DSCC1: variants seen among roughly 807,000 people sequenced by gnomAD.
DSCC1 encodes the protein sister chromatid cohesion protein DCC1.
A neutral mutation model predicts 48.2 loss-of-function variants in DSCC1; 32 were observed. That is an observed-to-expected ratio of 0.66 (90% CI 0.50 to 0.89). The LOEUF (loss-of-function observed/expected upper bound fraction) is 0.89, where lower values mean the gene tolerates loss of function less well. Among genes scored for constraint, DSCC1 ranks in the 40% least tolerant of loss-of-function variants. The pLI, the probability that DSCC1 is intolerant of heterozygous loss-of-function variation, is 0.00. For synonymous variants in DSCC1, 150 were observed against 171.5 expected, an observed-to-expected ratio of 0.87 and a Z score of 0.98; for missense variants, 421 against 471.7, an observed-to-expected ratio of 0.89 and a Z score of 1.00.
intron 7 of DSCC1, chr8:119,838,735 G>GT (rs1009466017): frequency 8.1e-4 from 138 of 169,490 alleles, no homozygotes; most frequent in Middle Eastern, 2.3e-3. Flanking sequence ...TTTCTATTTT[G>GT]TTTTTTTTTC....
intron 8 of DSCC1, among the ~76,000 whole-genome samples, chr8:119,836,883 G>A (rs890213454): frequency 7.2e-5 from 11 of 152,034 alleles, no homozygotes; most frequent in Admixed American, 2.0e-4. Flanking sequence ...CAAAAGAGAT[G>A]GTTTTCTCCC....
chr8:119,842,629 A>G (rs1826789690), intron 6 of DSCC1, 147 bp downstream of exon 6: 3 of 643,054 alleles, frequency 4.7e-6, no homozygotes, highest in Middle Eastern at 3.0e-4. Flanking sequence ...CAAGCGACCC[A>G]CCCACTGCAG....
At chr8:119,853,022 T>G in intron 2 of DSCC1, 25 bp downstream of exon 2, 3 of 1,512,784 alleles carry the variant, frequency 2.0e-6, no homozygotes, top group Non-Finnish European at 2.7e-6. Flanking sequence ...CAGACTTTTA[T>G]AAATCAGAGT....
Position 119,855,863 on chromosome 8 carries a change from T to A in DSCC1, c.-68A>T, listed in dbSNP as rs1179102943. Reference sequence around the variant, plus strand: ...CGGGCTTGGCGGGCAAGAAAGAAGTTCCCAAGCAGCCGGAAGGTAGGAAAC... The same window carrying A: ...CGGGCTTGGCGGGCAAGAAAGAAGTACCCAAGCAGCCGGAAGGTAGGAAAC... On this transcript the variant is annotated 5_prime_UTR_variant, in exon 1 of 9. Transcript: ENST00000313655. 7.1e-7 allele frequency: 1 copy of A among 1,399,858 alleles called. No homozygotes were observed. The highest frequency in any genetic ancestry group is 9.3e-7 in the Non-Finnish European group (1 of 1,075,904). 86.7% of individuals were successfully genotyped at this position (1,399,858 alleles called of 1,614,324 possible).
chr8:119,853,612 G>A (rs754917872), intron 1 of DSCC1, among the ~76,000 whole-genome samples: 1 of 152,276 alleles, frequency 6.6e-6, no homozygotes, highest in Non-Finnish European at 1.5e-5. Context: ...AGGCATCTTA[G>A]AGAGTGTTGT....
chr8:119,842,668 G>A (rs1230811570), intron 6 of DSCC1, 108 bp downstream of exon 6: 3 of 968,490 alleles, frequency 3.1e-6, no homozygotes, highest in South Asian at 2.8e-5. Flanking sequence ...TTATAGGTGT[G>A]AGCCACTGCA....
intron 6 of DSCC1, 52 bp from the exon 7 acceptor site, chr8:119,842,000 T>C: frequency 3.2e-6 from 5 of 1,556,978 alleles, no homozygotes; most frequent in Non-Finnish European, 4.4e-6. Flanking sequence ...AATTAAATAT[T>C]ATACTAACAT....
Position 119,835,008 on chromosome 8 carries a change from G to A in DSCC1, c.1074-7C>T, listed in dbSNP as rs771471307. ...CTTCTCTCCACACAAATCTCTGTAG[G>A]AACAATAAAAAATATATAACATGAA... On this transcript the variant is annotated splice_region_variant and splice_polypyrimidine_tract_variant and intron_variant, in intron 8 of 8. Coordinates refer to ENST00000313655, the MANE Select transcript of DSCC1 (RefSeq NM_024094.3). The A allele has an allele frequency of 6.5e-6, 10 of 1,531,334 alleles. No individual in the cohort carries two copies. The East Asian group carries it at 1.8e-4, about 28-fold the overall frequency. 94.9% of individuals were successfully genotyped at this position (1,531,334 alleles called of 1,614,324 possible). A position where few individuals can be genotyped will look rare whatever the true frequency, so the allele number is the denominator to read the frequency against.
chr8:119,851,850 A>G (rs1344735294), intron 2 of DSCC1, among the ~76,000 whole-genome samples: 1 of 152,158 alleles, frequency 6.6e-6, no homozygotes, highest in Non-Finnish European at 1.5e-5. Context: ...ATCTCAGTAC[A>G]TAGAATTTCC....
At chr8:119,840,986 T>TTTA (rs200806445) in intron 7 of DSCC1, among the ~76,000 whole-genome samples, 3,191 of 151,484 alleles carry the variant, frequency 0.021, 75 homozygotes, top group African/African-American at 0.054. Flanking sequence ...TATTTATTTA[T>TTTA]TTATTATTAT....
intron 5 of DSCC1, 30 bp downstream of exon 5, chr8:119,843,579 T>C: frequency 6.3e-7 from 1 of 1,592,430 alleles, no homozygotes; most frequent in Non-Finnish European, 8.5e-7. Flanking sequence ...CTTAAGGAAA[T>C]CTGGATAGAC....
In DSCC1 at chr8:119,838,252, T is replaced by C; in HGVS notation, c.1073+7A>G. On this transcript the variant is annotated splice_region_variant and intron_variant, in intron 8 of 8. Coordinates refer to ENST00000313655, the MANE Select transcript of DSCC1 (RefSeq NM_024094.3). Reference sequence around the variant, plus strand: ...CCCTCAAAATCCGTCTTTAATAAATTACTTACTGAATATATGGAGCAATAT... The same window carrying C: ...CCCTCAAAATCCGTCTTTAATAAATCACTTACTGAATATATGGAGCAATAT... 2 of 1,549,246 alleles carry C rather than the reference T, an allele frequency of 1.3e-6. No individual in the cohort carries two copies. Among genetic ancestry groups the C allele is most frequent in the African/African-American group, 2.8e-5 (2 of 71,862 alleles).
chr8:119,840,480 A>C (rs978310247), intron 7 of DSCC1: 2 of 152,288 alleles, frequency 1.3e-5, no homozygotes, highest in Non-Finnish European at 2.9e-5. Context: ...GATGATGTTG[A>C]AAACCTGAAA....
At chr8:119,849,193 A>G in intron 3 of DSCC1, among the ~76,000 whole-genome samples, 2 of 147,768 alleles carry the variant, frequency 1.4e-5, no homozygotes, top group Non-Finnish European at 1.5e-5. Context: ...TCAAAAAAAA[A>G]AAAAAAAAAA....
intron 8 of DSCC1, among the ~76,000 whole-genome samples, chr8:119,837,589 G>C (rs1372283276): frequency 6.6e-6 from 1 of 152,214 alleles, no homozygotes; most frequent in Non-Finnish European, 1.5e-5. Context: ...AGCAAGACTG[G>C]CAGCTTCATT....
intron 4 of DSCC1, 111 bp from the exon 5 acceptor site, chr8:119,843,858 C>T: frequency 9.4e-7 from 1 of 1,059,606 alleles, no homozygotes; most frequent in Non-Finnish European, 1.4e-6. Context: ...CTCATCGCAA[C>T]CTCCACCTCC....
rs1173670805 is a variant in DSCC1 at position 119,853,196 on chromosome 8, T to G, written c.202A>C (p.Lys68Gln). The G allele has an allele frequency of 6.2e-7, 1 of 1,610,416 alleles. No individual in the cohort carries two copies. Among genetic ancestry groups the G allele is most frequent in the East Asian group, 2.2e-5 (1 of 44,822 alleles). The change falls in exon 2 of 9, where the codon AAA becomes CAA. Residue 68 changes from lysine (K) to glutamine (Q), a missense_variant. Physicochemically the swap from Lys to Gln is moderately conservative, Grantham distance 53. Transcript: ENST00000313655. ...CTGCACAGCACAGCTTGCTCGTCTT[T>G]ATCACCACGAATCACAAGACTGTAG... ...DGHSLVIRGD[K>Q]DEQAVLCSKD...
chr8:119,852,827 G>A (rs893114304), intron 2 of DSCC1: 1 of 402,416 alleles, frequency 2.5e-6, no homozygotes, highest in Non-Finnish European at 4.3e-6. Flanking sequence ...ATCAAATTGG[G>A]ACTTGAAAAT....
chr8:119,848,105 C>G (rs1828238), intron 3 of DSCC1, among the ~76,000 whole-genome samples: 110,525 of 151,812 alleles, frequency 0.73, 41,481 homozygotes, highest in African/African-American at 0.9. Flanking sequence ...CCTGGGACTA[C>G]AGGTGTGCAG....
Sources: allele counts gnomAD v4.1 joint callset (sites outside exome capture counted in the v4.1 genomes callset), GRCh38; gene constraint gnomAD v4.1.1; transcripts MANE v1.5; gene names NCBI Gene and HGNC (gene_info 2026-07-23, HGNC 2026-07-21).